NINL: variants seen among roughly 807,000 people sequenced by gnomAD.
The protein encoded by NINL is ninein like.
In NINL, 153 loss-of-function variants were observed where a neutral mutation model predicts 160.3. The ratio of observed to expected loss-of-function variants is 0.95; its 90% CI spans 0.84 to 1.09. NINL has a LOEUF of 1.09. Ranked by LOEUF, NINL falls within the 50% of genes least tolerant of loss-of-function variation. The pLI is 0.00. For synonymous variants in NINL, 800 were observed against 734.8 expected (o/e 1.09, Z -1.43); for missense variants, 1,829 against 1,764.0 (o/e 1.04, Z -0.66).
At chr20:25,559,150 T>A (rs779426904) in intron 1 of NINL, among the ~76,000 whole-genome samples, 5 of 152,214 alleles carry the variant, frequency 3.3e-5, no homozygotes, top group Admixed American at 2.6e-4. Flanking sequence ...AGGCAAGGTA[T>A]CTGCTCACCC....
Position 25,476,588 on chromosome 20 carries a change from G to C in NINL, c.2703C>G (p.Gly901=). ...GCATGCGTGACCACCTCTCTGAGGGGCCGTGGGATGCCGGGGCAGGGGCGG... is the reference window on the plus strand; with the variant it reads ...GCATGCGTGACCACCTCTCTGAGGGCCCGTGGGATGCCGGGGCAGGGGCGG... ...PAPAPAPASH[G]PSERWSRMQP... The change falls in exon 17 of 24, where the codon GGC becomes GGG. Residue 901 remains glycine, a synonymous_variant. Transcript: ENST00000278886. 1.9e-6 allele frequency: 3 copies of C among 1,598,726 alleles called. No individual in the cohort carries two copies. The highest frequency in any genetic ancestry group is 2.5e-6 in the Non-Finnish European group (3 of 1,179,470).
At chr20:25,499,077 A>G (rs2063816241) in intron 8 of NINL, 2 of 985,350 alleles carry the variant, frequency 2.0e-6, no homozygotes, top group Middle Eastern at 5.2e-4. Flanking sequence ...GGCAGGCACC[A>G]TGGCAGGGCG....
chr20:25,457,119 A>G (rs538727389), intron 22 of NINL, among the ~76,000 whole-genome samples: 1 of 151,920 alleles, frequency 6.6e-6, no homozygotes, highest in East Asian at 2.0e-4. Context: ...AGGTCAGGAG[A>G]TCAAGACCAT....
chr20:25,543,747 G>A (rs911929708), intron 1 of NINL, among the ~76,000 whole-genome samples: 1 of 152,138 alleles, frequency 6.6e-6, no homozygotes, highest in Non-Finnish European at 1.5e-5. Context: ...GCACAAGAGT[G>A]TAACATTTGT....
At chr20:25,507,319 G>A (rs1325581380) in intron 5 of NINL, among the ~76,000 whole-genome samples, 1 of 152,042 alleles carries the variant, frequency 6.6e-6, no homozygotes, top group Non-Finnish European at 1.5e-5. Flanking sequence ...GTGTCTTTAG[G>A]ACTCATCAGC....
chr20:25,566,527 G>A (rs143481111), intron 1 of NINL, among the ~76,000 whole-genome samples: 2 of 152,320 alleles, frequency 1.3e-5, no homozygotes, highest in African/African-American at 4.8e-5. Flanking sequence ...TGATTAACAT[G>A]TGAGGGGCTG....
At chr20:25,481,764 C>A in intron 14 of NINL, 1 of 710,074 alleles carries the variant, frequency 1.4e-6, no homozygotes, top group Admixed American at 2.7e-5. Context: ...CCTTCCTCCT[C>A]CCTCTGCAGG....
intron 1 of NINL, among the ~76,000 whole-genome samples, chr20:25,577,814 T>C (rs570684285): frequency 6.8e-6 from 1 of 146,344 alleles, no homozygotes; most frequent in South Asian, 2.3e-4. Context: ...CTCATTTTTC[T>C]GAAATATTTT....
chr20:25,520,201 T>C (rs1487965081), intron 2 of NINL, among the ~76,000 whole-genome samples: 3 of 152,138 alleles, frequency 2.0e-5, no homozygotes, highest in East Asian at 3.9e-4. Context: ...GAATATTCAC[T>C]GACCTGTACA....
intron 14 of NINL, 85 bp from the exon 15 acceptor site, chr20:25,480,352 T>G: frequency 9.7e-7 from 1 of 1,029,958 alleles, no homozygotes; most frequent in Non-Finnish European, 1.5e-6. Flanking sequence ...TATTTTGGCA[T>G]TGGCATCCAT....
intron 17 of NINL, among the ~76,000 whole-genome samples, chr20:25,472,178 G>T (rs1260502629): frequency 6.6e-6 from 1 of 151,738 alleles, no homozygotes; most frequent in African/African-American, 2.4e-5. Flanking sequence ...GAAAGAAAGA[G>T]ATACTGACCT....
chr20:25,490,388 A>G (rs566603279), intron 11 of NINL, among the ~76,000 whole-genome samples: 5 of 152,180 alleles, frequency 3.3e-5, no homozygotes, highest in South Asian at 2.1e-4. Flanking sequence ...GTGAAACCCC[A>G]TCTCTACTAA....
chr20:25,552,737 G>A (rs970719701), intron 1 of NINL, among the ~76,000 whole-genome samples: 3 of 152,246 alleles, frequency 2.0e-5, no homozygotes, highest in African/African-American at 7.2e-5. Context: ...ATGTCCAGGA[G>A]AGAAAAATAG....
rs529388514 is a variant in NINL at position 25,489,798 on chromosome 20, C to T, written c.1596+77G>A. 42 of 1,224,968 alleles carry T rather than the reference C, an allele frequency of 3.4e-5. 1 individual carries two copies. In the East Asian group the frequency reaches 8.8e-4, roughly 26 times the overall value. 75.9% of individuals were successfully genotyped at this position (1,224,968 alleles called of 1,614,324 possible). On this transcript the variant is annotated intron_variant, in intron 12 of 23. Transcript: ENST00000278886. ...CATTCTGTGACCTGCCGCATCTCTC[C>T]CTGGCCACCCCCGCCACCCCCACTC...
chr20:25,511,989 C>T (rs1326471475), intron 4 of NINL, among the ~76,000 whole-genome samples: 5 of 152,160 alleles, frequency 3.3e-5, no homozygotes, highest in African/African-American at 7.2e-5. Context: ...GAAAATGGTT[C>T]GACCCAATCC....
At chr20:25,563,523 T>C (rs1481355792) in intron 1 of NINL, among the ~76,000 whole-genome samples, 1 of 152,138 alleles carries the variant, frequency 6.6e-6, no homozygotes, top group Non-Finnish European at 1.5e-5. Context: ...AATAACAAAA[T>C]GATACATCTA....
At chr20:25,526,209 C>T (rs1157256882) in intron 2 of NINL, among the ~76,000 whole-genome samples, 199 bp downstream of exon 2, 1 of 152,210 alleles carries the variant, frequency 6.6e-6, no homozygotes, top group Non-Finnish European at 1.5e-5. Context: ...GAAGTTACCA[C>T]ATTAAAAACA....
rs935163357 is a variant in NINL at position 25,505,040 on chromosome 20, G to A, written c.556C>T (p.Pro186Ser). The A allele has an allele frequency of 3.1e-6, 5 of 1,608,172 alleles. No individual in the cohort carries two copies. The African/African-American group carries it at 6.7e-5, about 22-fold the overall frequency. The change falls in exon 6 of 24, where the codon CCC becomes TCC. Residue 186 changes from proline to serine, a missense_variant. Coordinates refer to ENST00000278886, the MANE Select transcript of NINL (RefSeq NM_025176.6). The part of the protein sequence containing the change: ...QTWDSEDFGS[P>S]QKSCSPSFDT... ...AAGGAGGGGCTGCAGGACTTCTGGG[G>A]GCTCCCAAAGTCCTCAGAATCCCAG...
intron 1 of NINL, among the ~76,000 whole-genome samples, chr20:25,564,102 C>T (rs1408928793): frequency 6.6e-6 from 1 of 151,050 alleles, no homozygotes; most frequent in Non-Finnish European, 1.5e-5. Flanking sequence ...TGGCACATAC[C>T]TGTGGTCTCA....
Sources: gnomAD v4.1 joint callset for allele counts (sites outside exome capture counted in the v4.1 genomes callset) on GRCh38, gnomAD v4.1.1 for gene constraint, MANE v1.5 for transcripts, NCBI Gene and HGNC (gene_info 2026-07-23, HGNC 2026-07-21) for gene names.